Variants in NFAT5 observed in about 807,000 individuals in gnomAD.
NFAT5 encodes the protein nuclear factor of activated T-cells 5.
In NFAT5, 31 loss-of-function variants were observed where a neutral mutation model predicts 166.5. The ratio of observed to expected loss-of-function variants is 0.19; its 90% confidence interval spans 0.14 to 0.25. The LOEUF (loss-of-function observed/expected upper bound fraction) is 0.25, where lower values mean the gene tolerates loss of function less well. Ranked by LOEUF, NFAT5 falls within the 10% of genes least tolerant of loss-of-function variation. The pLI, the probability that NFAT5 is intolerant of heterozygous loss-of-function variation, is 1.00. For synonymous variants in NFAT5, 612 were observed against 639.7 expected (o/e 0.96, Z 0.65); for missense variants, 1,449 against 1,821.8 (o/e 0.80, Z 3.72).
intron 2 of NFAT5, among the ~76,000 whole-genome samples, chr16:69,573,341 T>C (rs1440517498): frequency 6.6e-6 from 1 of 152,226 alleles, no homozygotes; most frequent in Non-Finnish European, 1.5e-5. Context: ...TTATTGACTT[T>C]ATAGAATATT....
intron 2 of NFAT5, among the ~76,000 whole-genome samples, chr16:69,623,727 G>A (rs1194795891): frequency 2.6e-5 from 4 of 151,534 alleles, no homozygotes; most frequent in Non-Finnish European, 4.4e-5. Flanking sequence ...GGCTGGTCTC[G>A]AACTCCCTAC....
rs763675112 is a variant in NFAT5 at position 69,647,589 on chromosome 16, T to G, written c.812+3T>G. 1 of 1,555,406 alleles carries G rather than the reference T, an allele frequency of 6.4e-7. No individual in the cohort carries two copies. The highest frequency in any genetic ancestry group is 8.7e-7 in the Non-Finnish European group (1 of 1,155,440). On this transcript the variant is annotated splice_donor_region_variant and intron_variant, in intron 4 of 14. Coordinates refer to ENST00000349945, the MANE Select transcript of NFAT5 (RefSeq NM_138713.4). The surrounding 1 kb of genome is among the most constrained non-coding windows in gnomAD (Gnocchi z 4.8). ...GGCAACTCAAAAGCGGGAAATGGGT[T>G]GGTATTCACATTTTTTAAAATTCTA... is the stretch of plus-strand genomic sequence containing the variant.
chr16:69,682,816 AATT>A (rs775656366), intron 10 of NFAT5, among the ~76,000 whole-genome samples: 4 of 152,148 alleles, frequency 2.6e-5, no homozygotes, highest in Non-Finnish European at 5.9e-5. Context: ...TACTAAGATA[AATT>A]ATTTAACTTC....
At chr16:69,626,372 T>G (rs750505351) in intron 2 of NFAT5, 31 bp from the exon 3 acceptor site, 1 of 1,550,878 alleles carries the variant, frequency 6.4e-7, no homozygotes, top group South Asian at 1.3e-5. Context: ...CTTTTAAAAA[T>G]TGTTTTCTCC....
intron 2 of NFAT5, among the ~76,000 whole-genome samples, chr16:69,596,903 A>T (rs1158999442): frequency 6.6e-6 from 1 of 152,110 alleles, no homozygotes; most frequent in South Asian, 2.1e-4. Flanking sequence ...TAAAAAGAGT[A>T]TGTTAGGTGC....
At chr16:69,631,403 C>T (rs1353805841) in intron 3 of NFAT5, among the ~76,000 whole-genome samples, 1 of 151,928 alleles carries the variant, frequency 6.6e-6, no homozygotes, top group Non-Finnish European at 1.5e-5. Flanking sequence ...TGCACTCCAG[C>T]CTGGGCGATA....
At chr16:69,648,061 G>A (rs899060310) in intron 4 of NFAT5, among the ~76,000 whole-genome samples, 4 of 151,852 alleles carry the variant, frequency 2.6e-5, no homozygotes, top group Non-Finnish European at 4.4e-5. Flanking sequence ...TGTAATCCCA[G>A]CTACTTGGGA....
At chr16:69,580,533 A>G (rs1409809930) in intron 2 of NFAT5, among the ~76,000 whole-genome samples, 1 of 152,044 alleles carries the variant, frequency 6.6e-6, no homozygotes, top group Non-Finnish European at 1.5e-5. Flanking sequence ...CTAAAAAAAA[A>G]AAAAAAGTTT....
At chr16:69,633,204 GT>G (rs1481411913) in intron 3 of NFAT5, among the ~76,000 whole-genome samples, 5 of 151,822 alleles carry the variant, frequency 3.3e-5, no homozygotes, top group Admixed American at 6.6e-5. Context: ...TATAAATATT[GT>G]GATTTATTCA....
chr16:69,566,350 T>G lies in NFAT5; in HGVS notation c.49T>G (p.Ser17Ala). 1 of 1,591,760 alleles carries G rather than the reference T, an allele frequency of 6.3e-7. No individual in the cohort carries two copies. The highest frequency in any genetic ancestry group is 8.6e-7 in the Non-Finnish European group (1 of 1,168,936). Residue 17 changes from serine to alanine, a missense_variant, in exon 1 of 15, where the codon TCG becomes GCG. Ser to Ala is a moderately conservative substitution (Grantham distance 99). Coordinates refer to ENST00000349945, the MANE Select transcript of NFAT5 (RefSeq NM_138713.4). This position sits in a 1 kb window ranked among gnomAD's most constrained non-coding sequence, Gnocchi z 5.7. ...SLLSADLDLE[S>A]PKSLYSRDSL... Reference sequence around the variant, plus strand: ...GCTCAGCGCGGACCTAGACCTGGAATCGCCCAAGTCCCTCTACTCGCGAGG... The same window carrying G: ...GCTCAGCGCGGACCTAGACCTGGAAGCGCCCAAGTCCCTCTACTCGCGAGG...
chr16:69,676,569 A>C (rs74029403), intron 9 of NFAT5, among the ~76,000 whole-genome samples: 29,746 of 152,126 alleles, frequency 0.2, 2,981 homozygotes, highest in South Asian at 0.32. Context: ...GTAAGGTACT[A>C]TTCTTTACAA....
intron 7 of NFAT5, among the ~76,000 whole-genome samples, chr16:69,668,534 G>C (rs2036495820): frequency 6.6e-6 from 1 of 152,174 alleles, no homozygotes; most frequent in African/African-American, 2.4e-5. Context: ...CACATAGCTT[G>C]AAGGTAATTT....
In NFAT5 at chr16:69,696,525, C is replaced by T. The variant is rs1458498975; in HGVS notation, c.*174C>T. On this transcript the variant is annotated 3_prime_UTR_variant, in exon 15 of 15. Transcript: ENST00000349945. ...ACACCTATGCTGCTTGTTGCAGTAA[C>T]TAACCACCAATGTTAACATCTTCAT... 6.6e-6 allele frequency: 1 copy of T among 152,582 alleles called. No homozygotes were observed. Among genetic ancestry groups the T allele is most frequent in the Non-Finnish European group, 1.5e-5 (1 of 68,024 alleles). 9.5% of individuals were successfully genotyped at this position (152,582 alleles called of 1,614,324 possible).
Position 69,692,900 on chromosome 16 carries a change from C to T in NFAT5, c.3075C>T (p.Thr1025=), listed in dbSNP as rs767419485. ...AGATTCAGAACAGTGTCTTTCAGACCATGGTCCAAATGCAACATAGTGGGG... is the reference window on the plus strand; with the variant it reads ...AGATTCAGAACAGTGTCTTTCAGACTATGGTCCAAATGCAACATAGTGGGG... ...AKQIQNSVFQ[T]MVQMQHSGDN... The change falls in exon 13 of 15, where the codon ACC becomes ACT. Residue 1025 remains threonine, a synonymous_variant. Transcript: ENST00000349945. 6.2e-7 allele frequency: 1 copy of T among 1,614,136 alleles called. No homozygotes were observed.
chr16:69,619,318 G>A (rs1402443116), intron 2 of NFAT5, among the ~76,000 whole-genome samples: 2 of 152,178 alleles, frequency 1.3e-5, no homozygotes, highest in Non-Finnish European at 1.5e-5. Context: ...TGCTCTATCC[G>A]TGTATAGCCC....
intron 3 of NFAT5, among the ~76,000 whole-genome samples, chr16:69,645,261 A>T (rs1310388843): frequency 2.0e-5 from 3 of 152,338 alleles, no homozygotes; most frequent in African/African-American, 7.2e-5. Context: ...TACAAAATTG[A>T]TAAGTTTTCC....
intron 2 of NFAT5, among the ~76,000 whole-genome samples, chr16:69,623,700 T>G (rs2034306968): frequency 6.6e-6 from 1 of 151,700 alleles, no homozygotes; most frequent in Non-Finnish European, 1.5e-5. Flanking sequence ...AGAGACAGGG[T>G]TTCTCCATGT....
intron 2 of NFAT5, among the ~76,000 whole-genome samples, chr16:69,578,876 A>C (rs2031476307): frequency 6.6e-6 from 1 of 151,562 alleles, no homozygotes. Flanking sequence ...CATCTGAATA[A>C]GTTTTTTTTT....
chr16:69,596,091 A>G (rs2032773234), intron 2 of NFAT5, among the ~76,000 whole-genome samples: 1 of 152,204 alleles, frequency 6.6e-6, no homozygotes, highest in Admixed American at 6.5e-5. Context: ...AACTGAAACC[A>G]TGGAAAGCAA....
Sources: gnomAD v4.1 joint callset for allele counts (sites outside exome capture counted in the v4.1 genomes callset) on GRCh38, gnomAD v4.1.1 for gene constraint, Gnocchi (gnomAD v3.1) non-coding constraint, MANE v1.5 for transcripts, NCBI Gene and HGNC (gene_info 2026-07-23, HGNC 2026-07-21) for gene names.